Variants in ATP7B observed in about 807,000 individuals in gnomAD.
ATP7B encodes ATPase copper transporting beta.
ATP7B carries 113 observed loss-of-function variants against 118.9 expected under a neutral mutation model. The observed-to-expected ratio is 0.95, with a 90% CI of 0.82 to 1.11. The LOEUF (loss-of-function observed/expected upper bound fraction) is 1.11, where lower values mean the gene tolerates loss of function less well. ATP7B is among the 50% of genes most tolerant of loss of function. ATP7B has a pLI of 0.00. For missense variants in ATP7B, 1,867 were observed against 1,871.4 expected (o/e 1.00, Z 0.04); for synonymous variants, 777 against 727.4 (o/e 1.07, Z -1.10).
intron 1 of ATP7B, among the ~76,000 whole-genome samples, chr13:51,981,144 G>GA (rs1952395991): frequency 6.6e-6 from 1 of 152,154 alleles, no homozygotes; most frequent in Non-Finnish European, 1.5e-5. Context: ...ACAGAGCTGG[G>GA]ATTTAAACGC....
intron 1 of ATP7B, among the ~76,000 whole-genome samples, chr13:51,993,609 C>T (rs1953048573): frequency 6.6e-6 from 1 of 152,134 alleles, no homozygotes; most frequent in Non-Finnish European, 1.5e-5. Context: ...AATAGAGTTG[C>T]AACTGTGCTC....
upstream of ATP7B, chr13:52,011,469 C>T: frequency 8.5e-7 from 1 of 1,180,910 alleles, no homozygotes; most frequent in Admixed American, 1.9e-5. Context: ...CGCGGCTCGG[C>T]TCTAAAGCAA....
chr13:51,937,134 G>C (rs1957012420), intron 19 of ATP7B, 142 bp downstream of exon 19: 2 of 683,210 alleles, frequency 2.9e-6, no homozygotes, highest in South Asian at 1.6e-5. Context: ...TAAAGCAGGG[G>C]ACATGAAAAA....
Position 51,960,238 on chromosome 13 carries a change from C to T in ATP7B, c.2031G>A (p.Glu677=), listed in dbSNP as rs533906179. The T allele has an allele frequency of 1.2e-6, 2 of 1,613,944 alleles. No homozygotes were observed. The highest frequency in any genetic ancestry group is 2.7e-5 in the African/African-American group (2 of 75,026). ...GGTCCAGGACCATGGACTGGTGGGG[C>T]TCGTTGCTGGGTATCAGCATATAGA... The part of the protein sequence containing the change: ...LMIYMLIPSN[E]PHQSMVLDHN... Residue 677 remains glutamate, a synonymous_variant, in exon 7 of 21, where the codon GAG becomes GAA. Coordinates refer to ENST00000242839, the MANE Select transcript of ATP7B (RefSeq NM_000053.4).
chr13:51,938,869 C>T (rs1228605015), intron 17 of ATP7B, among the ~76,000 whole-genome samples, 182 bp downstream of exon 17: 1 of 152,174 alleles, frequency 6.6e-6, no homozygotes, highest in Non-Finnish European at 1.5e-5. Context: ...GAGATCTTCG[C>T]ACAGCACCAC....
rs566145352 is a variant in ATP7B at position 51,937,970 on chromosome 13, G to A, written c.3700-291C>T. 7.9e-5 allele frequency among the ~76,000 whole-genome samples: 12 copies of A among 152,234 alleles called. No homozygotes were observed. In the South Asian group the frequency reaches 2.5e-3, roughly 32 times the overall value. ...TGTCTTCTCCATGTGCTGCCCCCAT[G>A]GTCTTTCCAAAGCATCCGTCCGGCC... On this transcript the variant is annotated intron_variant, in intron 17 of 20. Transcript: ENST00000242839.
intron 6 of ATP7B, among the ~76,000 whole-genome samples, chr13:51,961,155 T>C (rs1958714042): frequency 6.6e-6 from 1 of 151,828 alleles, no homozygotes; most frequent in African/African-American, 2.4e-5. Context: ...AGATCTTATG[T>C]CCCCTGCTTG....
Position 51,944,311 on chromosome 13 carries a change from C to T in ATP7B, c.3061-20G>A, listed in dbSNP as rs768874966. On this transcript the variant is annotated intron_variant, in intron 13 of 20. Transcript: ENST00000242839. ...CTTTATCTGCCAAAAACAACCACAA[C>T]TCACTGACCACAATACAGATGGAGG... 2.4e-5 allele frequency: 39 copies of T among 1,613,452 alleles called. No homozygotes were observed. The highest frequency in any genetic ancestry group is 3.0e-5 in the Non-Finnish European group (35 of 1,179,984).
At position 51,975,107 on chromosome 13, in the gene ATP7B, G is replaced by T. The variant is rs935963471; in HGVS notation, c.113C>A (p.Ala38Asp). The T allele has an allele frequency of 5.0e-6, 8 of 1,614,104 alleles. No homozygotes were observed. Among genetic ancestry groups the T allele is most frequent in the Non-Finnish European group, 6.8e-6 (8 of 1,180,058 alleles). ...AWEPAMKKSF[A>D]FDNVGYEGGL... ...ACCTTCATAGCCAACATTGTCAAAA[G>T]CAAAACTCTTCTTCATTGCTGGTTC... is the stretch of plus-strand genomic sequence containing the variant. The change falls in exon 2 of 21, where the codon GCT becomes GAT. Residue 38 changes from alanine (A) to aspartate (D), a missense_variant. Transcript: ENST00000242839.
Position 51,970,624 on chromosome 13 carries a change from C to A in ATP7B, c.1411G>T (p.Ala471Ser). The change falls in exon 3 of 21, where the codon GCC becomes TCC. Residue 471 changes from alanine to serine, a missense_variant. Physicochemically the swap from Ala to Ser is moderately conservative, Grantham distance 99. Transcript: ENST00000242839. ...GGGGACTTTGCCAAGATGTCCGGGG[C>A]ATGGTTTGCAGGGAGCCTCCCAGTG... is the stretch of plus-strand genomic sequence containing the variant. ...PHTGRLPANH[A>S]PDILAKSPQS... is the part of the protein sequence containing the mutation. 6.2e-7 allele frequency: 1 copy of A among 1,614,146 alleles called. No individual in the cohort carries two copies. Among genetic ancestry groups the A allele is most frequent in the Non-Finnish European group, 8.5e-7 (1 of 1,180,024 alleles).
intron 1 of ATP7B, among the ~76,000 whole-genome samples, chr13:51,981,918 C>T (rs1400542571): frequency 2.6e-5 from 4 of 152,144 alleles, no homozygotes; most frequent in Non-Finnish European, 2.9e-5. Context: ...GGCCTGCAAG[C>T]CACATGCAGC....
At chr13:51,983,092 G>A (rs1008062463) in intron 1 of ATP7B, among the ~76,000 whole-genome samples, 3 of 152,178 alleles carry the variant, frequency 2.0e-5, no homozygotes, top group Admixed American at 6.5e-5. Context: ...AAAGGTGGCT[G>A]AAGCCAGGGA....
In ATP7B at chr13:51,975,001, C is replaced by T. The variant is rs1284294314; in HGVS notation, c.219G>A (p.Val73=). ...RILGMTCQSC[V]KSIEDRISNL... is the part of the protein sequence containing the mutation. ...TGGAAATCCTGTCCTCAATGGACTT[C>T]ACACATGACTGGCAAGTCATGCCCA... Residue 73 remains valine (V), a synonymous_variant, in exon 2 of 21, where the codon GTG becomes GTA. Coordinates refer to ENST00000242839, the MANE Select transcript of ATP7B (RefSeq NM_000053.4). The T allele has an allele frequency of 6.2e-7, 1 of 1,614,132 alleles. No homozygotes were observed. The highest frequency in any genetic ancestry group is 1.1e-5 in the South Asian group (1 of 91,080).
chr13:51,995,645 C>A (rs1953169159), intron 1 of ATP7B, among the ~76,000 whole-genome samples: 1 of 152,326 alleles, frequency 6.6e-6, no homozygotes, highest in Non-Finnish European at 1.5e-5. Flanking sequence ...TTAGAAGTGT[C>A]CTCCTAATTA....
At chr13:51,939,783 G>C (rs1348334277) in intron 16 of ATP7B, among the ~76,000 whole-genome samples, 3 of 152,104 alleles carry the variant, frequency 2.0e-5, no homozygotes, top group Non-Finnish European at 4.4e-5. Context: ...CCGAGGGGCG[G>C]GTGGATTTAC....
chr13:52,006,844 C>T (rs886096584), intron 1 of ATP7B, among the ~76,000 whole-genome samples: 4 of 152,190 alleles, frequency 2.6e-5, no homozygotes, highest in African/African-American at 9.7e-5. Flanking sequence ...AATGCCTGCT[C>T]TTCCTGAAAG....
chr13:52,001,274 T>A (rs1953480426), intron 1 of ATP7B, among the ~76,000 whole-genome samples: 1 of 152,106 alleles, frequency 6.6e-6, no homozygotes, highest in Non-Finnish European at 1.5e-5. Context: ...AACACAAAAG[T>A]CAGAATACCT....
At chr13:51,983,554 G>A (rs1005781121) in intron 1 of ATP7B, among the ~76,000 whole-genome samples, 3 of 152,140 alleles carry the variant, frequency 2.0e-5, no homozygotes, top group East Asian at 1.9e-4. Flanking sequence ...CACAGTGCTC[G>A]AGCTCTGCTA....
rs1951988240 is a variant in ATP7B at position 51,974,181 on chromosome 13, C to T, written c.1039G>A (p.Gly347Ser). The T allele has an allele frequency of 1.3e-6, 2 of 1,562,218 alleles. No homozygotes were observed. Among genetic ancestry groups the T allele is most frequent in the East Asian group, 4.7e-5 (2 of 42,756 alleles). The change falls in exon 2 of 21, where the codon GGC (glycine) becomes AGC (serine). Residue 347 changes from glycine (G) to serine (S), a missense_variant. Coordinates refer to ENST00000242839, the MANE Select transcript of ATP7B (RefSeq NM_000053.4). ...TGGACCTGGTTTCTCGGTGGGGAGC[C>T]AGGGGAATGAGAACTGGAAGACCTG... ...DHRSSSSHSP[G>S]SPPRNQVQGT...
Sources: allele counts gnomAD v4.1 joint callset (sites outside exome capture counted in the v4.1 genomes callset), GRCh38; gene constraint gnomAD v4.1.1; transcripts MANE v1.5; gene names NCBI Gene and HGNC (gene_info 2026-07-23, HGNC 2026-07-21).